The following TPD52 variants were observed in gnomAD, a reference collection of about 807,000 sequenced individuals.
The protein encoded by TPD52 is prostate and colon associated protein.
Under a neutral mutation model 31.3 loss-of-function variants are expected in TPD52, and 17 were observed. That is an observed-to-expected ratio of 0.54 (90% CI 0.37 to 0.82). TPD52 has a LOEUF of 0.82. TPD52 is among the 40% of genes least tolerant of loss of function. The pLI is 0.00. For missense variants in TPD52, 212 were observed against 240.1 expected (o/e 0.88, Z 0.77); for synonymous variants, 83 against 89.6 (o/e 0.93, Z 0.42).
chr8:80,136,436 A>G lies in TPD52; in HGVS notation c.19+34989T>C, dbSNP rs558271858. 3.4e-5 allele frequency among the ~76,000 whole-genome samples: 5 copies of G among 147,654 alleles called. No individual in the cohort carries two copies. In the East Asian group the frequency reaches 1.1e-3, roughly 31 times the overall value. On this transcript the variant is annotated intron_variant, in intron 1 of 7. Coordinates refer to ENST00000518937, the MANE Select transcript of TPD52 (RefSeq NM_001025253.3). ...CTACTCAGGAGGCTGAGGCAGGAGA[A>G]TGGCAGGAACCCGGGAAGCAGAGCT...
chr8:80,116,395 T>C (rs908983990), intron 1 of TPD52, among the ~76,000 whole-genome samples: 1 of 150,628 alleles, frequency 6.6e-6, no homozygotes, highest in Non-Finnish European at 1.5e-5. Flanking sequence ...TGCCAACAGA[T>C]TGGTTAGCTT....
intron 1 of TPD52, among the ~76,000 whole-genome samples, chr8:80,129,124 C>T (rs972535083): frequency 1.3e-5 from 2 of 152,096 alleles, no homozygotes; most frequent in East Asian, 1.9e-4. Context: ...GTTCTCATCT[C>T]CTATATATTA....
At chr8:80,058,653 C>G (rs1368325350) in intron 2 of TPD52, among the ~76,000 whole-genome samples, 2 of 152,152 alleles carry the variant, frequency 1.3e-5, no homozygotes, top group East Asian at 3.8e-4. Flanking sequence ...CAGAAATTAG[C>G]TGGGCATGGT....
chr8:80,131,146 T>C (rs964237905), intron 1 of TPD52, among the ~76,000 whole-genome samples: 1 of 151,824 alleles, frequency 6.6e-6, no homozygotes, highest in South Asian at 2.1e-4. Context: ...GTGGTCAGAA[T>C]AGAGAGGAGA....
chr8:80,099,493 G>A (rs1806571038), intron 1 of TPD52, among the ~76,000 whole-genome samples: 1 of 151,704 alleles, frequency 6.6e-6, no homozygotes, highest in Admixed American at 6.6e-5. Context: ...CACAAAACTG[G>A]ATGGTGGTCT....
chr8:80,126,479 A>AT (rs752947491), intron 1 of TPD52, among the ~76,000 whole-genome samples: 54,904 of 126,444 alleles, frequency 0.43, 12,596 homozygotes, highest in East Asian at 0.72. Context: ...AAAGTTTATA[A>AT]TTTTTTTTTT....
intron 1 of TPD52, among the ~76,000 whole-genome samples, chr8:80,096,996 G>A (rs1487648021): frequency 1.3e-5 from 2 of 152,200 alleles, no homozygotes; most frequent in African/African-American, 4.8e-5. Flanking sequence ...GCACCTGCCA[G>A]GTTTTGAATG....
intron 1 of TPD52, among the ~76,000 whole-genome samples, chr8:80,073,645 T>C (rs113339700): frequency 1.4e-4 from 22 of 152,372 alleles, no homozygotes; most frequent in African/African-American, 5.0e-4. Context: ...AAATGGATTA[T>C]AGGAAGTTAT....
chr8:80,084,012 C>T (rs1443829259), intron 1 of TPD52, among the ~76,000 whole-genome samples: 1 of 152,210 alleles, frequency 6.6e-6, no homozygotes, highest in Non-Finnish European at 1.5e-5. Context: ...GAGCTATCTA[C>T]CAACCGGTAC....
intron 5 of TPD52, among the ~76,000 whole-genome samples, chr8:80,047,112 T>C (rs1356711403): frequency 1.3e-5 from 2 of 152,138 alleles, no homozygotes; most frequent in East Asian, 1.9e-4. Context: ...TGCTGGACAG[T>C]GCCTAGAGGG....
At chr8:80,114,585 C>T (rs10957960) in intron 1 of TPD52, among the ~76,000 whole-genome samples, 66,672 of 151,992 alleles carry the variant, frequency 0.44, 15,187 homozygotes, top group East Asian at 0.79. Flanking sequence ...AATCCAAGCA[C>T]GCTCTCAGGG....
At chr8:80,084,353 A>G (rs1029348442) in intron 1 of TPD52, among the ~76,000 whole-genome samples, 1 of 152,220 alleles carries the variant, frequency 6.6e-6, no homozygotes, top group East Asian at 1.9e-4. Flanking sequence ...AAGGATAGAC[A>G]TCTGACCCAG....
chr8:80,158,943 C>CAAAAAAAAA lies in TPD52; in HGVS notation c.19+12473_19+12481dup, dbSNP rs57625062. ...TGGGCGACAGAGCGAGACTCCGTCT[C>CAAAAAAAAA]AAAAAAAAAAAAAAAAAAAAAAAAA... On this transcript the variant is annotated intron_variant, in intron 1 of 7. Coordinates refer to ENST00000518937, the MANE Select transcript of TPD52 (RefSeq NM_001025253.3). 3 of 76,334 alleles carry CAAAAAAAAA rather than the reference C, an allele frequency of 3.9e-5. 1 individual carries two copies. Among genetic ancestry groups the CAAAAAAAAA allele is most frequent in the African/African-American group, 1.0e-4 (2 of 19,212 alleles). 4.7% of individuals were successfully genotyped at this position (76,334 alleles called of 1,614,324 possible).
At position 80,078,776 on chromosome 8, in the gene TPD52, C is replaced by T. The variant is rs565284435; in HGVS notation, c.20-14183G>A. On this transcript the variant is annotated intron_variant, in intron 1 of 7. Transcript: ENST00000518937. ...TTTTTAAATCTCACAACCCCAGGTT[C>T]CTTCGAACAGCTAACAGGAATTGTG... Among the ~76,000 whole-genome samples, 377 of 152,280 alleles carry T rather than the reference C, an allele frequency of 2.5e-3. 1 individual carries two copies. The highest frequency in any genetic ancestry group is 3.2e-3 in the Non-Finnish European group (215 of 68,016).
intron 1 of TPD52, among the ~76,000 whole-genome samples, chr8:80,143,942 A>G (rs975242169): frequency 8.7e-6 from 1 of 115,570 alleles, no homozygotes; most frequent in Non-Finnish European, 1.8e-5. Context: ...ACAATCATAA[A>G]AGTCACATTA....
At chr8:80,106,792 G>A (rs1226592985) in intron 1 of TPD52, among the ~76,000 whole-genome samples, 1 of 149,782 alleles carries the variant, frequency 6.7e-6, no homozygotes, top group Non-Finnish European at 1.5e-5. Context: ...GTGGCCATGA[G>A]ACCCAATTTG....
chr8:80,145,175 A>G (rs893536343), intron 1 of TPD52, among the ~76,000 whole-genome samples: 1 of 152,206 alleles, frequency 6.6e-6, no homozygotes, highest in African/African-American at 2.4e-5. Context: ...AGAAGTAGGT[A>G]AGAGATATCA....
intron 5 of TPD52, among the ~76,000 whole-genome samples, chr8:80,049,403 C>A (rs1466205386): frequency 6.6e-6 from 1 of 152,122 alleles, no homozygotes; most frequent in Non-Finnish European, 1.5e-5. Context: ...AATCACCTAT[C>A]ATTGGTTACT....
chr8:80,156,291 G>A (rs1001243941), intron 1 of TPD52, among the ~76,000 whole-genome samples: 4 of 152,170 alleles, frequency 2.6e-5, no homozygotes, highest in East Asian at 1.9e-4. Context: ...TTACATGTTC[G>A]CTCAGGGTTC....
Sources: gnomAD v4.1 joint callset for allele counts (sites outside exome capture counted in the v4.1 genomes callset) on GRCh38, gnomAD v4.1.1 for gene constraint, MANE v1.5 for transcripts, NCBI Gene and HGNC (gene_info 2026-07-23, HGNC 2026-07-21) for gene names.